ULK2: variants seen among roughly 807,000 people sequenced by gnomAD.
The protein encoded by ULK2 is serine/threonine-protein kinase ULK2.
In ULK2, 76 loss-of-function variants were observed where a neutral mutation model predicts 127.5. That is an observed-to-expected ratio of 0.60 (90% CI 0.50 to 0.72). ULK2 has a LOEUF of 0.72. ULK2 is among the 30% of genes least tolerant of loss of function. The probability of loss-of-function intolerance (pLI) is 0.00; values close to 1 mark genes in which losing one functional copy is unlikely to be tolerated. For synonymous variants in ULK2, 452 were observed against 461.9 expected (o/e 0.98, Z 0.28); for missense variants, 1,144 against 1,295.9 (o/e 0.88, Z 1.80).
intron 3 of ULK2, 68 bp from the exon 4 acceptor site, chr17:19,849,842 T>G (rs1173944803): frequency 1.1e-6 from 1 of 921,396 alleles, no homozygotes; most frequent in African/African-American, 1.7e-5. Flanking sequence ...ATAATGATAG[T>G]TAAAAATACC....
At chr17:19,849,287 T>C in intron 5 of ULK2, 82 bp downstream of exon 5, 2 of 1,186,914 alleles carry the variant, frequency 1.7e-6, no homozygotes, top group South Asian at 1.4e-5. Context: ...AGAAAATGGG[T>C]AGTGTATTTC....
intron 3 of ULK2, among the ~76,000 whole-genome samples, chr17:19,854,869 G>C (rs996147709): frequency 6.6e-6 from 1 of 152,056 alleles, no homozygotes; most frequent in South Asian, 2.1e-4. Context: ...GGGAGGCAGA[G>C]GCGAGTGGAT....
In ULK2 at chr17:19,771,440, A is replaced by T. The variant is rs75435674; in HGVS notation, c.*4909T>A. The T allele has an allele frequency of 1.3e-4, 20 of 152,372 alleles. No homozygotes were observed. The East Asian group carries it at 3.9e-3, about 29-fold the overall frequency. The allele number at this position is 152,372 out of a possible 1,614,324, so 9.4% of individuals were successfully genotyped here. On this transcript the variant is annotated 3_prime_UTR_variant, in exon 27 of 27. Transcript: ENST00000395544. ...TATGCAAGAACTGTGTCCTTTCAGAAGCTCCAGCCAGAGCGTACGTGGTTG... is the reference window on the plus strand; with the variant it reads ...TATGCAAGAACTGTGTCCTTTCAGATGCTCCAGCCAGAGCGTACGTGGTTG...
chr17:19,820,651 A>G (rs2041117835), intron 12 of ULK2, among the ~76,000 whole-genome samples: 1 of 152,168 alleles, frequency 6.6e-6, no homozygotes, highest in Non-Finnish European at 1.5e-5. Context: ...TTTAAATGTA[A>G]ATGGCCATGG....
chr17:19,805,802 T>C (rs1346890206), intron 14 of ULK2, among the ~76,000 whole-genome samples: 1 of 152,132 alleles, frequency 6.6e-6, no homozygotes, highest in African/African-American at 2.4e-5. Context: ...GACACGTAAC[T>C]TCCTTGAGCC....
At chr17:19,814,439 T>TATACATATATATATATATA (rs1491246393) in intron 13 of ULK2, among the ~76,000 whole-genome samples, 1 of 10,004 alleles carries the variant, frequency 1.0e-4, no homozygotes, top group East Asian at 1.0e-3. Flanking sequence ...TATATATATA[T>TATACATATATATATATATA]TTTTTTTTTT....
At chr17:19,847,293 G>A (rs959050359) in intron 5 of ULK2, among the ~76,000 whole-genome samples, 1 of 152,116 alleles carries the variant, frequency 6.6e-6, no homozygotes, top group African/African-American at 2.4e-5. Context: ...TGGAATAAGT[G>A]TCCATATTTA....
chr17:19,791,321 G>A (rs117577265), intron 20 of ULK2, among the ~76,000 whole-genome samples: 5,463 of 151,856 alleles, frequency 0.036, 261 homozygotes, highest in African/African-American at 0.11. Flanking sequence ...AGGCTGAGGC[G>A]GGCAGATCAC....
chr17:19,797,588 C>T lies in ULK2; in HGVS notation c.1617G>A (p.Lys539=), dbSNP rs148364064. Residue 539 remains lysine (K), a synonymous_variant, in exon 18 of 27, where the codon AAG becomes AAA. Coordinates refer to ENST00000395544, the MANE Select transcript of ULK2 (RefSeq NM_014683.4). ...CAGAGTGCTGTTTTCTGAGCTTCTG[C>T]TTGTTCTGATAGATGTCAGTGAGGG... is the stretch of plus-strand genomic sequence containing the variant. ...APTLTDIYQN[K]QKLRKQHSDP... 2.1e-3 allele frequency: 3,315 copies of T among 1,613,752 alleles called. 23 individuals are homozygous for T. Among genetic ancestry groups the T allele is most frequent in the South Asian group, 0.012 (1,060 of 91,018 alleles).
chr17:19,855,484 C>T (rs2042106741), intron 3 of ULK2, among the ~76,000 whole-genome samples: 1 of 150,784 alleles, frequency 6.6e-6, no homozygotes, highest in Non-Finnish European at 1.5e-5. Flanking sequence ...CCTGTAATCC[C>T]AGCTACTGGG....
Position 19,846,919 on chromosome 17 carries a change from A to G in ULK2, c.296-9T>C, listed in dbSNP as rs755983938. 3 of 1,600,362 alleles carry G rather than the reference A, an allele frequency of 1.9e-6. No homozygotes were observed. The highest frequency in any genetic ancestry group is 2.3e-5 in the South Asian group (2 of 88,164). ...ACTGAGAGTCCCTTTCGCTGGTACA[A>G]AAGGAGTCACGTAAATATTTAAGCA... is the stretch of plus-strand genomic sequence containing the variant. On this transcript the variant is annotated splice_polypyrimidine_tract_variant and intron_variant, in intron 5 of 26. Transcript: ENST00000395544.
intron 20 of ULK2, among the ~76,000 whole-genome samples, chr17:19,792,770 C>G (rs2087184259): frequency 6.6e-6 from 1 of 151,922 alleles, no homozygotes; most frequent in Non-Finnish European, 1.5e-5. Flanking sequence ...AGTCTCTCTA[C>G]AGAAACTGAC....
chr17:19,796,075 G>A lies in ULK2; in HGVS notation c.1997+20C>T. Reference sequence around the variant, plus strand: ...ATTACAGTTTTCATGTTTAATGCTAGAATGGAAACAGTCTTTTACCTGCCA... The same window carrying A: ...ATTACAGTTTTCATGTTTAATGCTAAAATGGAAACAGTCTTTTACCTGCCA... On this transcript the variant is annotated intron_variant, in intron 19 of 26. Coordinates refer to ENST00000395544, the MANE Select transcript of ULK2 (RefSeq NM_014683.4). 6.3e-7 allele frequency: 1 copy of A among 1,588,714 alleles called. No individual in the cohort carries two copies. Among genetic ancestry groups the A allele is most frequent in the Non-Finnish European group, 8.5e-7 (1 of 1,170,198 alleles).
intron 18 of ULK2, 93 bp downstream of exon 18, chr17:19,797,303 T>C: frequency 7.3e-7 from 1 of 1,362,904 alleles, no homozygotes; most frequent in Admixed American, 2.8e-5. Context: ...TCTCAAAAAA[T>C]AAAATAAAAA....
chr17:19,843,290 AAC>A, intron 7 of ULK2, 68 bp from the exon 8 acceptor site: 6 of 1,052,460 alleles, frequency 5.7e-6, no homozygotes, highest in South Asian at 1.7e-5. Flanking sequence ...CATATTAATT[AAC>A]TGGTAAAGGT....
chr17:19,780,264 T>C (rs1317920961), intron 25 of ULK2, among the ~76,000 whole-genome samples: 1 of 152,100 alleles, frequency 6.6e-6, no homozygotes, highest in East Asian at 1.9e-4. Context: ...GCAAATGTGG[T>C]AAACGGATTT....
At chr17:19,851,523 C>T (rs1241296136) in intron 3 of ULK2, among the ~76,000 whole-genome samples, 1 of 151,396 alleles carries the variant, frequency 6.6e-6, no homozygotes, top group Admixed American at 6.6e-5. Context: ...GCCTGCAATC[C>T]CAGCTACTCC....
At position 19,774,623 on chromosome 17, in the gene ULK2, T is replaced by A. The variant is rs907990477; in HGVS notation, c.*1726A>T. On this transcript the variant is annotated 3_prime_UTR_variant, in exon 27 of 27. Transcript: ENST00000395544. ...CAGTCTATGTTCCTGGAAGCCTGCA[T>A]GACAGTAGCCAAGATCTAAATCCTG... is the stretch of plus-strand genomic sequence containing the variant. 1 of 152,250 alleles carries A rather than the reference T, an allele frequency of 6.6e-6. No homozygotes were observed. Among genetic ancestry groups the A allele is most frequent in the Non-Finnish European group, 1.5e-5 (1 of 68,044 alleles). The allele number at this position is 152,250 out of a possible 1,614,324, so 9.4% of individuals were successfully genotyped here. A position where few individuals can be genotyped will look rare whatever the true frequency, so the allele number is the denominator to read the frequency against.
intron 3 of ULK2, among the ~76,000 whole-genome samples, chr17:19,854,614 C>T (rs2042084593): frequency 6.6e-6 from 1 of 152,058 alleles, no homozygotes; most frequent in Non-Finnish European, 1.5e-5. Context: ...TGAGTCCCTA[C>T]ATTATCCCTT....
Sources: allele counts gnomAD v4.1 joint callset (sites outside exome capture counted in the v4.1 genomes callset), GRCh38; gene constraint gnomAD v4.1.1; transcripts MANE v1.5; gene names NCBI Gene and HGNC (gene_info 2026-07-23, HGNC 2026-07-21).